Variants in GALNTL6 observed in about 807,000 individuals in gnomAD.
GALNTL6 encodes polypeptide N-acetylgalactosaminyltransferase like 6.
A neutral mutation model predicts 73.7 loss-of-function variants in GALNTL6; 46 were observed. The ratio of observed to expected loss-of-function variants is 0.62; its 90% CI spans 0.49 to 0.80. GALNTL6 has a LOEUF of 0.80. GALNTL6 is among the 30% of genes least tolerant of loss of function. The pLI is 0.00. For missense variants in GALNTL6, 604 were observed against 755.0 expected, an observed-to-expected ratio of 0.80 and a Z score of 2.34; for synonymous variants, 259 against 263.7, an observed-to-expected ratio of 0.98 and a Z score of 0.17.
At chr4:172,627,734 G>A (rs1267079985) in intron 5 of GALNTL6, among the ~76,000 whole-genome samples, 1 of 151,760 alleles carries the variant, frequency 6.6e-6, no homozygotes, top group African/African-American at 2.4e-5. Flanking sequence ...ATCTTGGGAG[G>A]TTGTGTGTTT....
chr4:172,806,594 CAT>C (rs1336587617), intron 5 of GALNTL6, among the ~76,000 whole-genome samples: 1 of 152,140 alleles, frequency 6.6e-6, no homozygotes, highest in African/African-American at 2.4e-5. Context: ...GGAAATTACT[CAT>C]TTCTCCTCCT....
intron 5 of GALNTL6, among the ~76,000 whole-genome samples, chr4:172,766,595 A>C (rs1738419729): frequency 6.6e-6 from 1 of 152,188 alleles, no homozygotes. Context: ...ACTATGGAGA[A>C]CCATCATTAA....
chr4:172,027,627 T>TGTCTCTCACTTTA (rs147615083), intron 2 of GALNTL6, among the ~76,000 whole-genome samples: 47,553 of 151,570 alleles, frequency 0.31, 8,141 homozygotes, highest in Middle Eastern at 0.41. Flanking sequence ...AAAAATCACA[T>TGTCTCTCACTTTA]GTCTCTCACT....
intron 2 of GALNTL6, among the ~76,000 whole-genome samples, chr4:172,184,410 T>C (rs1340198801): frequency 1.3e-5 from 2 of 152,172 alleles, no homozygotes; most frequent in African/African-American, 4.8e-5. Context: ...TAATGAATTC[T>C]TTTGTCTCTG....
chr4:171,904,173 G>C (rs1218187226), intron 2 of GALNTL6, among the ~76,000 whole-genome samples: 3 of 152,150 alleles, frequency 2.0e-5, no homozygotes, highest in African/African-American at 4.8e-5. Flanking sequence ...AGAGAAGAAG[G>C]CTTCAGACGA....
intron 5 of GALNTL6, among the ~76,000 whole-genome samples, chr4:172,484,849 C>A (rs958967348): frequency 3.9e-5 from 6 of 152,008 alleles, no homozygotes; most frequent in Middle Eastern, 3.4e-3. Context: ...CTCAATATAA[C>A]CTTGTTTTGG....
At chr4:171,974,902 C>G (rs1303751129) in intron 2 of GALNTL6, among the ~76,000 whole-genome samples, 1 of 152,136 alleles carries the variant, frequency 6.6e-6, no homozygotes, top group Non-Finnish European at 1.5e-5. Flanking sequence ...ATGATGCTTT[C>G]TTAATGACAC....
chr4:172,915,625 C>T lies in GALNTL6; in HGVS notation c.1042-15536C>T, dbSNP rs183582679. 3.0e-3 allele frequency among the ~76,000 whole-genome samples: 464 copies of T among 152,190 alleles called. 1 individual carries two copies. The highest frequency in any genetic ancestry group is 5.1e-3 in the Non-Finnish European group (346 of 67,984). ...TCAGAGAATACTATAAACACTTCTACGCAAATAAACTAGAATATCTAGAAG... is the reference window on the plus strand; with the variant it reads ...TCAGAGAATACTATAAACACTTCTATGCAAATAAACTAGAATATCTAGAAG... On this transcript the variant is annotated intron_variant, in intron 8 of 12. Coordinates refer to ENST00000506823, the MANE Select transcript of GALNTL6 (RefSeq NM_001034845.3).
chr4:172,457,249 T>C (rs1047122317), intron 5 of GALNTL6, among the ~76,000 whole-genome samples: 4 of 149,062 alleles, frequency 2.7e-5, no homozygotes, highest in Non-Finnish European at 4.4e-5. Context: ...TACCAGCCAC[T>C]GCAAAAACAT....
intron 3 of GALNTL6, among the ~76,000 whole-genome samples, chr4:172,232,855 T>G (rs962950938): frequency 3.3e-5 from 5 of 152,236 alleles, no homozygotes; most frequent in Admixed American, 1.3e-4. Context: ...TGTTTCCATC[T>G]TTTGAATTAT....
At chr4:172,573,539 A>G (rs527793103) in intron 5 of GALNTL6, among the ~76,000 whole-genome samples, 40 of 152,184 alleles carry the variant, frequency 2.6e-4, no homozygotes, top group Non-Finnish European at 5.3e-4. Context: ...TGTTCCAGTA[A>G]TCTATTATAA....
At chr4:172,803,929 T>A (rs887897082) in intron 5 of GALNTL6, among the ~76,000 whole-genome samples, 2 of 152,140 alleles carry the variant, frequency 1.3e-5, no homozygotes, top group African/African-American at 4.8e-5. Flanking sequence ...ATGCCTATAG[T>A]CAAATGCTAT....
At chr4:172,073,180 A>G (rs1331536773) in intron 2 of GALNTL6, among the ~76,000 whole-genome samples, 1 of 152,166 alleles carries the variant, frequency 6.6e-6, no homozygotes, top group Non-Finnish European at 1.5e-5. Context: ...ATCTTTTCAT[A>G]GAGAACTTTC....
At chr4:172,949,135 C>T (rs1749315371) in intron 9 of GALNTL6, among the ~76,000 whole-genome samples, 1 of 152,184 alleles carries the variant, frequency 6.6e-6, no homozygotes, top group African/African-American at 2.4e-5. Context: ...GATACATACG[C>T]ACACTATGAA....
At chr4:172,472,338 A>AT (rs1379788135) in intron 5 of GALNTL6, among the ~76,000 whole-genome samples, 4 of 152,218 alleles carry the variant, frequency 2.6e-5, no homozygotes, top group African/African-American at 9.6e-5. Context: ...CAATGGAGAT[A>AT]TTTTGACTCC....
chr4:172,310,320 G>C (rs866827637), intron 3 of GALNTL6, among the ~76,000 whole-genome samples: 2 of 151,734 alleles, frequency 1.3e-5, no homozygotes, highest in African/African-American at 4.8e-5. Context: ...ACCCATGCTG[G>C]AATGCAGTGG....
At chr4:172,156,545 A>ATATATATATATATATATATATACATAC (rs1560945586) in intron 2 of GALNTL6, among the ~76,000 whole-genome samples, 5 of 67,342 alleles carry the variant, frequency 7.4e-5, no homozygotes, top group Admixed American at 1.6e-4. Context: ...TATATAATAT[A>ATATATATATATATATATATATACATAC]TATATATATA....
chr4:172,428,496 A>T (rs1731308431), intron 5 of GALNTL6, among the ~76,000 whole-genome samples: 2 of 152,212 alleles, frequency 1.3e-5, no homozygotes, highest in South Asian at 4.1e-4. Context: ...GCATCCACAG[A>T]TGCTTGCATT....
At chr4:172,351,816 T>A (rs1348441482) in intron 5 of GALNTL6, among the ~76,000 whole-genome samples, 1 of 152,152 alleles carries the variant, frequency 6.6e-6, no homozygotes, top group Middle Eastern at 3.2e-3. Context: ...TAGAAATACA[T>A]CCCAATTTCA....
Sources: gnomAD v4.1 joint callset for allele counts (sites outside exome capture counted in the v4.1 genomes callset) on GRCh38, gnomAD v4.1.1 for gene constraint, MANE v1.5 for transcripts, NCBI Gene and HGNC (gene_info 2026-07-23, HGNC 2026-07-21) for gene names.